The following FGF1 variants were observed in gnomAD, a reference collection of about 807,000 sequenced individuals.
FGF1 encodes the protein beta-endothelial cell growth factor.
FGF1 carries 9 observed loss-of-function variants against 13.4 expected under a neutral mutation model. The observed-to-expected ratio is 0.67, with a 90% confidence interval of 0.40 to 1.17. The LOEUF is 1.17. Ranked by LOEUF, FGF1 falls within the 50% of genes most tolerant of loss-of-function variation. The probability of loss-of-function intolerance (pLI) is 0.01; values close to 1 mark genes in which losing one functional copy is unlikely to be tolerated. For missense variants in FGF1, 156 were observed against 192.7 expected (o/e 0.81, Z 1.13); for synonymous variants, 93 against 79.0 (o/e 1.18, Z -0.94).
chr5:142,622,830 C>T (rs1761869265), intron 1 of FGF1, among the ~76,000 whole-genome samples: 1 of 152,196 alleles, frequency 6.6e-6, no homozygotes, highest in Non-Finnish European at 1.5e-5. Context: ...GTAGCCATGG[C>T]TGATTGGCCT....
At chr5:142,613,921 T>A (rs1371880111) in intron 2 of FGF1, 38 bp downstream of exon 2, 2 of 1,602,028 alleles carry the variant, frequency 1.2e-6, no homozygotes, top group African/African-American at 1.3e-5. Context: ...ACAGAAGATG[T>A]CAGAAAGGGA....
At chr5:142,672,415 A>T (rs1771652353) in intron 1 of FGF1, among the ~76,000 whole-genome samples, 1 of 152,164 alleles carries the variant, frequency 6.6e-6, no homozygotes, top group Non-Finnish European at 1.5e-5. Flanking sequence ...ACAATAAAAA[A>T]AACTACATGA....
chr5:142,645,187 A>T (rs1765807756), intron 1 of FGF1, among the ~76,000 whole-genome samples: 1 of 152,186 alleles, frequency 6.6e-6, no homozygotes. Context: ...ATAAAAAAAC[A>T]TTTAGGTGGG....
chr5:142,639,726 C>T (rs1314815153), intron 1 of FGF1, among the ~76,000 whole-genome samples: 2 of 151,386 alleles, frequency 1.3e-5, no homozygotes, highest in Non-Finnish European at 2.9e-5. Flanking sequence ...ATGTTTTCAC[C>T]ACACACACAC....
chr5:142,650,260 G>A (rs1041509346), intron 1 of FGF1, among the ~76,000 whole-genome samples: 2 of 152,182 alleles, frequency 1.3e-5, no homozygotes, highest in African/African-American at 4.8e-5. Flanking sequence ...TGACATTTGT[G>A]TTACTCATTC....
intron 1 of FGF1, among the ~76,000 whole-genome samples, chr5:142,619,758 G>T: frequency 6.6e-6 from 1 of 151,992 alleles, no homozygotes; most frequent in East Asian, 1.9e-4. Flanking sequence ...GCTTGAACCC[G>T]GGAGGCGGAG....
intron 1 of FGF1, among the ~76,000 whole-genome samples, chr5:142,683,746 G>A (rs561258883): frequency 6.6e-5 from 10 of 150,638 alleles, no homozygotes; most frequent in African/African-American, 2.2e-4. Flanking sequence ...GCTTGAACCC[G>A]GGAGGCGGAG....
In FGF1 at chr5:142,600,719, C is replaced by T. The variant is rs767694313; in HGVS notation, c.256G>A (p.Gly86Arg). 1.9e-6 allele frequency: 3 copies of T among 1,612,628 alleles called. No individual in the cohort carries two copies. The highest frequency in any genetic ancestry group is 2.2e-5 in the South Asian group (2 of 91,044). ...ATACTTACTGAGCCGTATAAAAGCC[C>T]GTCGGTGTCCATGGCCAAGTACTGG... Reference protein sequence around the residue: ...TGQYLAMDTDGLLYGSQTPNE... With the variant: ...TGQYLAMDTDRLLYGSQTPNE... Residue 86 changes from glycine to arginine, a missense_variant, in exon 3 of 4, where the codon GGG becomes AGG. By Grantham distance (125) the Gly-to-Arg change is moderately radical (BLOSUM62 -2). Transcript: ENST00000337706.
chr5:142,668,223 T>G (rs1424168704), intron 1 of FGF1, among the ~76,000 whole-genome samples: 7 of 152,252 alleles, frequency 4.6e-5, no homozygotes, highest in Admixed American at 4.6e-4. Flanking sequence ...CTGTGTGACT[T>G]GGCACATCAC....
chr5:142,618,435 G>A (rs898920193), intron 1 of FGF1, among the ~76,000 whole-genome samples: 3 of 152,090 alleles, frequency 2.0e-5, no homozygotes, highest in Non-Finnish European at 4.4e-5. Flanking sequence ...TTGTCTAAAG[G>A]ATTAAATGGG....
Position 142,629,895 on chromosome 5 carries a change from ATT to A in FGF1, c.-34-15736_-34-15735del, listed in dbSNP as rs35168859. Among the ~76,000 whole-genome samples the A allele has an allele frequency of 2.4e-4, 31 of 127,840 alleles. 1 individual carries two copies. In the South Asian group the frequency reaches 4.4e-3, roughly 18 times the overall value. The allele number at this position is 127,840 out of a possible 152,430, so 83.9% of individuals were successfully genotyped here. On this transcript the variant is annotated intron_variant, in intron 1 of 3. Transcript: ENST00000337706. ...ATATATATTATATATATATATATAT[ATT>A]TTTTTTTTTTCTTTGAGATAGAGTC...
At chr5:142,598,617 A>T (rs760526017) in intron 3 of FGF1, among the ~76,000 whole-genome samples, 12 of 152,340 alleles carry the variant, frequency 7.9e-5, no homozygotes, top group South Asian at 2.1e-4. Flanking sequence ...ACTTAAAAAA[A>T]ATATACATAT....
intron 1 of FGF1, among the ~76,000 whole-genome samples, chr5:142,656,252 T>C (rs993295549): frequency 1.3e-5 from 2 of 150,342 alleles, no homozygotes; most frequent in Admixed American, 1.3e-4. Context: ...AAGAGCAGAC[T>C]GTTACCTCTC....
chr5:142,655,946 T>C (rs1363259191), intron 1 of FGF1, among the ~76,000 whole-genome samples: 3 of 152,218 alleles, frequency 2.0e-5, no homozygotes, highest in Non-Finnish European at 2.9e-5. Context: ...ACTTCAGCTT[T>C]GTTTTTCCTG....
At chr5:142,678,157 C>T (rs1773006467) in intron 1 of FGF1, among the ~76,000 whole-genome samples, 1 of 152,030 alleles carries the variant, frequency 6.6e-6, no homozygotes, top group African/African-American at 2.4e-5. Flanking sequence ...ATGGATCTTA[C>T]CCCCCAAGAG....
chr5:142,652,876 C>T (rs1767503535), intron 1 of FGF1, among the ~76,000 whole-genome samples: 1 of 152,266 alleles, frequency 6.6e-6, no homozygotes, highest in African/African-American at 2.4e-5. Flanking sequence ...CCCTCCACTT[C>T]CTTCTGCCCT....
At chr5:142,597,448 C>T (rs996864702) in intron 3 of FGF1, among the ~76,000 whole-genome samples, 20 of 152,140 alleles carry the variant, frequency 1.3e-4, no homozygotes, top group African/African-American at 4.6e-4. Context: ...TCAGCCACAA[C>T]GTATTAAAGA....
intron 1 of FGF1, among the ~76,000 whole-genome samples, chr5:142,631,615 C>G (rs1249806559): frequency 6.6e-6 from 1 of 152,128 alleles, no homozygotes; most frequent in Admixed American, 6.5e-5. Flanking sequence ...AGATAGAAAT[C>G]AAGACCTGGG....
chr5:142,635,921 T>C (rs1678950832), intron 1 of FGF1, among the ~76,000 whole-genome samples: 1 of 152,258 alleles, frequency 6.6e-6, no homozygotes, highest in Non-Finnish European at 1.5e-5. Context: ...AATCTACTCT[T>C]GTTTTATTTA....
Sources: allele counts gnomAD v4.1 joint callset (sites outside exome capture counted in the v4.1 genomes callset), GRCh38; gene constraint gnomAD v4.1.1; transcripts MANE v1.5; gene names NCBI Gene and HGNC (gene_info 2026-07-23, HGNC 2026-07-21).